The following THAP6 variants were observed in gnomAD, a reference collection of about 807,000 sequenced individuals.
THAP6 encodes THAP domain containing 6, also known as THAP domain-containing protein 6.
Under a neutral mutation model 20.0 loss-of-function variants are expected in THAP6, and 13 were observed. That is an observed-to-expected ratio of 0.65 (90% CI 0.42 to 1.03). THAP6 has a LOEUF of 1.03. THAP6 is among the 50% of genes least tolerant of loss of function. The pLI, the probability that THAP6 is intolerant of heterozygous loss-of-function variation, is 0.00. For missense variants in THAP6, 262 were observed against 261.6 expected, an observed-to-expected ratio of 1.00 and a Z score of -0.01; for synonymous variants, 93 against 92.2, an observed-to-expected ratio of 1.01 and a Z score of -0.05.
downstream of THAP6, among the ~76,000 whole-genome samples, chr4:75,531,168 T>G (rs1726668410): frequency 6.6e-6 from 1 of 152,208 alleles, no homozygotes; most frequent in Non-Finnish European, 1.5e-5. Context: ...ACAAGGTGGT[T>G]TATGCAGAAC....
In THAP6 at chr4:75,515,571, T is replaced by C. The variant is rs1309846506; in HGVS notation, c.80+39T>C. ...GTAGTTAAGCCAAATACTTTGGCCA[T>C]GTTATAAAAAGCAAAAGACAGTTCT... On this transcript the variant is annotated intron_variant, in intron 2 of 4. Coordinates refer to ENST00000311638, the MANE Select transcript of THAP6 (RefSeq NM_144721.6). 4 of 1,593,884 alleles carry C rather than the reference T, an allele frequency of 2.5e-6. No homozygotes were observed. The African/African-American group carries it at 4.0e-5, about 16-fold the overall frequency.
upstream of THAP6, chr4:75,513,983 G>C: frequency 1.7e-6 from 1 of 602,586 alleles, no homozygotes; most frequent in South Asian, 2.9e-5. Flanking sequence ...TTCCCAAGAA[G>C]GGTTTTGCTT....
chr4:75,521,771 C>A lies in THAP6; in HGVS notation c.324C>A (p.Phe108Leu), dbSNP rs781156228. 2 of 1,612,838 alleles carry A rather than the reference C, an allele frequency of 1.2e-6. No individual in the cohort carries two copies. Among genetic ancestry groups the A allele is most frequent in the African/African-American group, 2.7e-5 (2 of 75,004 alleles). ...KREKLHCRKNFTLKTVPATNY... is the reference protein window; with the variant it reads ...KREKLHCRKNLTLKTVPATNY... ...AAAAACTTCATTGTAGAAAAAACTT[C>A]ACCCTCAAAACCGTTCCAGCCACTA... The change falls in exon 4 of 5, where the codon TTC becomes TTA. Residue 108 changes from phenylalanine (F) to leucine (L), a missense_variant. Physicochemically the swap from Phe to Leu is conservative, Grantham distance 22. Transcript: ENST00000311638.
Position 75,516,859 on chromosome 4 carries a change from A to G in THAP6, c.168A>G (p.Lys56=). The change falls in exon 3 of 5, where the codon AAA becomes AAG. Residue 56 remains lysine, a synonymous_variant. Coordinates refer to ENST00000311638, the MANE Select transcript of THAP6 (RefSeq NM_144721.6). ...DVNAAGIWEP[K]KGDVLCSRHF... ...ATGCAGCCGGCATTTGGGAGCCTAA[A>G]AAAGGAGATGTGTTGTGTTCGAGGC... The G allele has an allele frequency of 1.2e-6, 2 of 1,614,142 alleles. No individual in the cohort carries two copies. Among genetic ancestry groups the G allele is most frequent in the South Asian group, 1.1e-5 (1 of 91,084 alleles).
downstream of THAP6, among the ~76,000 whole-genome samples, chr4:75,531,323 A>G (rs1311158468): frequency 3.3e-5 from 5 of 152,210 alleles, no homozygotes; most frequent in South Asian, 4.1e-4. Flanking sequence ...TCAGCACTAT[A>G]AGACTTAAAT....
intron 1 of THAP6, 93 bp from the exon 2 acceptor site, chr4:75,515,340 C>T: frequency 8.5e-7 from 1 of 1,182,110 alleles, no homozygotes; most frequent in Non-Finnish European, 1.3e-6. Flanking sequence ...AGCTTTCTAT[C>T]CTGATTTTGT....
At chr4:75,534,521 A>G (rs971999970), downstream of THAP6, among the ~76,000 whole-genome samples, 13 of 152,246 alleles carry the variant, frequency 8.5e-5, no homozygotes, top group Non-Finnish European at 1.8e-4. Context: ...TCATGTCTAA[A>G]TCACCAAAAG....
chr4:75,539,360 C>T (rs1051225534), intron 2 of THAP6, among the ~76,000 whole-genome samples: 3 of 152,094 alleles, frequency 2.0e-5, no homozygotes, highest in Non-Finnish European at 4.4e-5. Flanking sequence ...ATACTGCTTT[C>T]GAAGCCCCAT....
chr4:75,514,166 T>G, upstream of THAP6: 1 of 1,587,748 alleles, frequency 6.3e-7, no homozygotes. Context: ...TGACGGAAGC[T>G]TGTCAGGGAA....
chr4:75,522,052 G>T, intron 4 of THAP6, 191 bp downstream of exon 4: 2 of 601,376 alleles, frequency 3.3e-6, no homozygotes, highest in East Asian at 5.8e-5. Flanking sequence ...TAATCCTTTG[G>T]TTACATATGT....
At chr4:75,518,902 C>CTTTTT (rs79537921) in intron 3 of THAP6, among the ~76,000 whole-genome samples, 1 of 151,944 alleles carries the variant, frequency 6.6e-6, no homozygotes, top group Non-Finnish European at 1.5e-5. Context: ...TAGAACATCA[C>CTTTTT]TTTTTTTTAA....
Position 75,528,407 on chromosome 4 carries a change from T to C in THAP6, c.*1193T>C. On this transcript the variant is annotated 3_prime_UTR_variant, in exon 5 of 5. Coordinates refer to ENST00000311638, the MANE Select transcript of THAP6 (RefSeq NM_144721.6). ...ACCATTTGCCAAAGCAACACTCTAC[T>C]TAGAAGCACATGTACATACATGGAC... The C allele has an allele frequency of 2.0e-6, 2 of 985,408 alleles. No individual in the cohort carries two copies. The highest frequency in any genetic ancestry group is 4.7e-5 in the South Asian group (1 of 21,288). 61.0% of individuals were successfully genotyped at this position (985,408 alleles called of 1,614,324 possible). A position where few individuals can be genotyped will look rare whatever the true frequency, so the allele number is the denominator to read the frequency against.
intron 2 of THAP6, among the ~76,000 whole-genome samples, chr4:75,538,155 G>T (rs1015531701): frequency 2.0e-5 from 3 of 152,310 alleles, no homozygotes; most frequent in African/African-American, 7.2e-5. Context: ...GAGCCAGGTA[G>T]GGCATGGCAC....
chr4:75,520,971 A>T (rs1334307960), intron 3 of THAP6, among the ~76,000 whole-genome samples: 1 of 152,118 alleles, frequency 6.6e-6, no homozygotes, highest in African/African-American at 2.4e-5. Flanking sequence ...CTCTTCTATT[A>T]TCTTTTTCTA....
At chr4:75,525,165 A>G (rs1174459408) in intron 4 of THAP6, among the ~76,000 whole-genome samples, 1 of 152,132 alleles carries the variant, frequency 6.6e-6, no homozygotes, top group Admixed American at 6.5e-5. Flanking sequence ...TTTATTTAGC[A>G]GTTTATACTT....
chr4:75,533,214 G>A (rs1015986867), downstream of THAP6, among the ~76,000 whole-genome samples: 1 of 152,100 alleles, frequency 6.6e-6, no homozygotes, highest in Non-Finnish European at 1.5e-5. Flanking sequence ...TCTCTCTCAA[G>A]TACAAAGTTC....
chr4:75,534,561 T>C (rs1048699866), downstream of THAP6, among the ~76,000 whole-genome samples: 16 of 152,052 alleles, frequency 1.1e-4, no homozygotes, highest in Non-Finnish European at 4.4e-5. Flanking sequence ...AATTGACAAA[T>C]TGGATCTAAT....
At position 75,528,799 on chromosome 4, in the gene THAP6, A is replaced by G; in HGVS notation, c.*1585A>G. On this transcript the variant is annotated 3_prime_UTR_variant, in exon 5 of 5. Transcript: ENST00000311638. Reference sequence around the variant, plus strand: ...GGTGGTGGCTCATACCTGTAATCCTAGCACTTTGGGAGGCCAAGGCAGGCA... The same window carrying G: ...GGTGGTGGCTCATACCTGTAATCCTGGCACTTTGGGAGGCCAAGGCAGGCA... 2.0e-6 allele frequency: 2 copies of G among 981,914 alleles called. No individual in the cohort carries two copies. Among genetic ancestry groups the G allele is most frequent in the Non-Finnish European group, 2.4e-6 (2 of 827,692 alleles). 60.8% of individuals were successfully genotyped at this position (981,914 alleles called of 1,614,324 possible).
chr4:75,545,683 T>C (rs906631698), intron 3 of THAP6, among the ~76,000 whole-genome samples: 1 of 152,136 alleles, frequency 6.6e-6, no homozygotes, highest in African/African-American at 2.4e-5. Context: ...GCAGCCCAAA[T>C]AGCAGCTTCC....
Sources: gnomAD v4.1 joint callset for allele counts (sites outside exome capture counted in the v4.1 genomes callset) on GRCh38, gnomAD v4.1.1 for gene constraint, MANE v1.5 for transcripts, NCBI Gene and HGNC (gene_info 2026-07-23, HGNC 2026-07-21) for gene names.